DSCAM: variants seen among roughly 807,000 people sequenced by gnomAD.
DSCAM encodes the protein cell adhesion molecule DSCAM.
In DSCAM, 47 loss-of-function variants were observed where a neutral mutation model predicts 217.7. The ratio of observed to expected loss-of-function variants is 0.22; its 90% confidence interval spans 0.17 to 0.28. The LOEUF is 0.28. DSCAM is among the 10% of genes least tolerant of loss of function. DSCAM has a pLI of 1.00. For synonymous variants in DSCAM, 1,056 were observed against 1,015.3 expected (o/e 1.04, Z -0.76); for missense variants, 2,080 against 2,618.3 (o/e 0.79, Z 4.49).
At chr21:40,174,260 A>G (rs1487234220) in intron 15 of DSCAM, among the ~76,000 whole-genome samples, 1 of 152,176 alleles carries the variant, frequency 6.6e-6, no homozygotes, top group African/African-American at 2.4e-5. Context: ...GGTCGAGTGT[A>G]TTAAAGTGGT....
At chr21:40,411,013 G>T (rs910893406) in intron 3 of DSCAM, among the ~76,000 whole-genome samples, 1 of 151,998 alleles carries the variant, frequency 6.6e-6, no homozygotes, top group Non-Finnish European at 1.5e-5. Context: ...CCATTTAAAA[G>T]ATAATTAACC....
chr21:40,118,883 T>C (rs1185669133), intron 20 of DSCAM, among the ~76,000 whole-genome samples: 2 of 152,196 alleles, frequency 1.3e-5, no homozygotes, highest in Non-Finnish European at 1.5e-5. Flanking sequence ...CTGGAACTTC[T>C]GGGTATGGGT....
chr21:40,226,157 T>C (rs1438271588), intron 11 of DSCAM, among the ~76,000 whole-genome samples: 2 of 152,164 alleles, frequency 1.3e-5, no homozygotes, highest in Non-Finnish European at 2.9e-5. Context: ...AGAGCTGGGA[T>C]ACAAAGCCAG....
intron 3 of DSCAM, among the ~76,000 whole-genome samples, chr21:40,486,570 C>G (rs1206328062): frequency 6.6e-6 from 1 of 151,688 alleles, no homozygotes; most frequent in Non-Finnish European, 1.5e-5. Context: ...AGAAGGCCCT[C>G]AGGGGGTCTG....
chr21:40,291,453 G>A (rs1383926863), intron 10 of DSCAM, among the ~76,000 whole-genome samples: 1 of 152,180 alleles, frequency 6.6e-6, no homozygotes, highest in African/African-American at 2.4e-5. Flanking sequence ...CACTTGGGCA[G>A]AGCCAGGTCC....
In DSCAM at chr21:40,215,001, C is replaced by T. The variant is rs559826695; in HGVS notation, c.2357-25763G>A. The stretch of plus-strand genomic sequence containing the variant: ...TTGGGAGGCCGAGGCGGGTGGATCA[C>T]GAGGTCAGGAGATCGAGACCATCCT... On this transcript the variant is annotated intron_variant, in intron 11 of 32. Coordinates refer to ENST00000400454, the MANE Select transcript of DSCAM (RefSeq NM_001389.5). Among the ~76,000 whole-genome samples, 69 of 32,232 alleles carry T rather than the reference C, an allele frequency of 2.1e-3. 24 individuals are homozygous for T. Among genetic ancestry groups the T allele is most frequent in the Admixed American group, 4.5e-3 (11 of 2,430 alleles). The allele number at this position is 32,232 out of a possible 152,430, so 21.1% of individuals were successfully genotyped here. A position where few individuals can be genotyped will look rare whatever the true frequency, so the allele number is the denominator to read the frequency against.
At position 40,353,737 on chromosome 21, in the gene DSCAM, G is replaced by A. The variant is rs775651323; in HGVS notation, c.662C>T (p.Ala221Val). The change falls in exon 5 of 33, where the codon GCG (alanine) becomes GTG (valine). Residue 221 changes from alanine (A) to valine (V), a missense_variant. By Grantham distance (64) the Ala-to-Val change is moderately conservative. Transcript: ENST00000400454. ...NSARLFVSDP[A>V]NSAPSILDGF... is the part of the protein sequence containing the mutation. Reference sequence around the variant, plus strand: ...ATCCAGTATGGATGGGGCTGAGTTCGCTGGGTCTGTAGAAGAAATAAAAAC... The same window carrying A: ...ATCCAGTATGGATGGGGCTGAGTTCACTGGGTCTGTAGAAGAAATAAAAAC... The A allele has an allele frequency of 9.1e-6, 14 of 1,546,080 alleles. No individual in the cohort carries two copies. Among genetic ancestry groups the A allele is most frequent in the Middle Eastern group, 1.7e-4 (1 of 5,876 alleles).
At chr21:40,033,130 T>G (rs888097724) in intron 32 of DSCAM, among the ~76,000 whole-genome samples, 2 of 152,186 alleles carry the variant, frequency 1.3e-5, no homozygotes, top group African/African-American at 4.8e-5. Context: ...TCTTTTAGGC[T>G]TCAAGGTGCC....
intron 1 of DSCAM, among the ~76,000 whole-genome samples, chr21:40,719,749 A>C (rs2090881295): frequency 6.6e-6 from 1 of 152,166 alleles, no homozygotes; most frequent in African/African-American, 2.4e-5. Context: ...GGAAAAACTA[A>C]TCTATGATGT....
rs201802572 is a variant in DSCAM at position 40,312,240 on chromosome 21, G to A, written c.1903C>T (p.Arg635Trp). 745 of 1,613,970 alleles carry A rather than the reference G, an allele frequency of 4.6e-4. 3 individuals carry two copies. The highest frequency in any genetic ancestry group is 5.8e-4 in the Non-Finnish European group (679 of 1,180,018). The change falls in exon 9 of 33, where the codon CGG (arginine) becomes TGG (tryptophan). Residue 635 changes from arginine (R) to tryptophan (W), a missense_variant. By Grantham distance (101) the Arg-to-Trp change is moderately radical. This residue lies in a region of DSCAM where 218 missense variants were observed against 364.1 expected (regional missense o/e 0.60). Coordinates refer to ENST00000400454, the MANE Select transcript of DSCAM (RefSeq NM_001389.5). ...ACCCCAAGGCTCCCAGGGATTGGCC[G>A]GCCATCCTTCTGCCAGGTGATCGTG... ...PITITWQKDG[R>W]PIPGSLGVTI...
intron 11 of DSCAM, among the ~76,000 whole-genome samples, chr21:40,206,248 T>A (rs148642780): frequency 1.5e-4 from 23 of 152,296 alleles, no homozygotes; most frequent in African/African-American, 5.1e-4. Flanking sequence ...AGTAGGTGTG[T>A]CCCTAATGAC....
chr21:40,308,110 A>C (rs1313373302), intron 9 of DSCAM, among the ~76,000 whole-genome samples: 1 of 152,204 alleles, frequency 6.6e-6, no homozygotes, highest in African/African-American at 2.4e-5. Flanking sequence ...AAAACACAAC[A>C]ACAACAACAA....
At chr21:40,771,291 TG>T (rs1367325298) in intron 1 of DSCAM, among the ~76,000 whole-genome samples, 6 of 152,178 alleles carry the variant, frequency 3.9e-5, no homozygotes, top group Non-Finnish European at 8.8e-5. Flanking sequence ...AAGGCAGGCC[TG>T]GGTTCCTCTT....
At chr21:40,146,108 G>A (rs117723714) in intron 16 of DSCAM, among the ~76,000 whole-genome samples, 2 of 151,988 alleles carry the variant, frequency 1.3e-5, no homozygotes, top group Non-Finnish European at 2.9e-5. Context: ...GTTTATAATC[G>A]ACCTGCAGAG....
chr21:40,132,715 G>A lies in DSCAM; in HGVS notation c.3562+1139C>T, dbSNP rs1311139057. Among the ~76,000 whole-genome samples the A allele has an allele frequency of 4.6e-5, 7 of 152,312 alleles. No individual in the cohort carries two copies. In the East Asian group the frequency reaches 5.8e-4, roughly 13 times the overall value. On this transcript the variant is annotated intron_variant, in intron 19 of 32. Transcript: ENST00000400454. ...TGCCAAGGTGAGAGCAGAGAGTGAC[G>A]TGGAAGATGGCAGGCTCAGAATAAC... is the stretch of plus-strand genomic sequence containing the variant.
At chr21:40,046,786 G>A (rs1238352999) in intron 30 of DSCAM, among the ~76,000 whole-genome samples, 1 of 151,502 alleles carries the variant, frequency 6.6e-6, no homozygotes, top group African/African-American at 2.4e-5. Flanking sequence ...GTGGTTGGGG[G>A]GTATAGTTTG....
chr21:40,085,844 C>A, intron 22 of DSCAM, 79 bp from the exon 23 acceptor site: 1 of 1,258,710 alleles, frequency 7.9e-7, no homozygotes, highest in Non-Finnish European at 1.0e-6. Context: ...AACAGAAAGA[C>A]TCTGTGAAGC....
chr21:40,705,344 T>G (rs2090701152), intron 2 of DSCAM, among the ~76,000 whole-genome samples: 1 of 152,260 alleles, frequency 6.6e-6, no homozygotes, highest in African/African-American at 2.4e-5. Context: ...AGGAATGCTT[T>G]CCTCTACTGC....
At chr21:40,027,271 T>C (rs2146437928) in intron 32 of DSCAM, among the ~76,000 whole-genome samples, 1 of 152,428 alleles carries the variant, frequency 6.6e-6, no homozygotes, top group Admixed American at 6.5e-5. Flanking sequence ...GGCTTCCCTT[T>C]GAGGGTAACC....
Sources: allele counts gnomAD v4.1 joint callset (sites outside exome capture counted in the v4.1 genomes callset), GRCh38; gene constraint gnomAD v4.1.1; regional missense constraint gnomAD v4.1.1; transcripts MANE v1.5; gene names NCBI Gene and HGNC (gene_info 2026-07-23, HGNC 2026-07-21).